Variants in GLI3 observed in about 807,000 individuals in gnomAD.
GLI3 encodes GLI family zinc finger 3, also known as transcription activator GLI3.
A neutral mutation model predicts 100.8 loss-of-function variants in GLI3; 20 were observed. That is an observed-to-expected ratio of 0.20 (90% confidence interval 0.14 to 0.29). GLI3 has a LOEUF of 0.29. GLI3 is among the 10% of genes least tolerant of loss of function. GLI3 has a pLI of 1.00. For synonymous variants in GLI3, 938 were observed against 860.5 expected (o/e 1.09, Z -1.58); for missense variants, 2,040 against 2,128.5 (o/e 0.96, Z 0.82).
At chr7:42,193,196 A>G (rs1051049969) in intron 2 of GLI3, among the ~76,000 whole-genome samples, 3 of 152,242 alleles carry the variant, frequency 2.0e-5, no homozygotes, top group African/African-American at 7.2e-5. Context: ...GAGACTTGAT[A>G]AATCAAATAA....
At chr7:42,121,696 T>C (rs1786004173) in intron 3 of GLI3, among the ~76,000 whole-genome samples, 1 of 152,098 alleles carries the variant, frequency 6.6e-6, no homozygotes, top group Non-Finnish European at 1.5e-5. Flanking sequence ...TCTGCTCTTC[T>C]TAGAAATGCA....
chr7:42,010,070 C>G (rs1209727544), intron 10 of GLI3, among the ~76,000 whole-genome samples: 2 of 152,200 alleles, frequency 1.3e-5, no homozygotes, highest in Non-Finnish European at 2.9e-5. Flanking sequence ...CTTAGATAAT[C>G]CATGAATGCT....
chr7:42,070,471 C>T (rs577453376), intron 4 of GLI3, among the ~76,000 whole-genome samples: 11 of 152,252 alleles, frequency 7.2e-5, no homozygotes, highest in South Asian at 6.2e-4. Flanking sequence ...CATGGAAGTC[C>T]GGAGCAAGGG....
intron 7 of GLI3, among the ~76,000 whole-genome samples, chr7:42,028,965 T>G (rs1482462660): frequency 2.0e-5 from 3 of 152,148 alleles, no homozygotes; most frequent in East Asian, 3.9e-4. Flanking sequence ...ATTCAGGGCC[T>G]CCACCTTTTT....
chr7:42,256,784 AT>A (rs1789089559), intron 1 of GLI3, among the ~76,000 whole-genome samples: 1 of 152,158 alleles, frequency 6.6e-6, no homozygotes, highest in Non-Finnish European at 1.5e-5. Context: ...TTTCATATAA[AT>A]TTTATAATCA....
At chr7:42,136,684 G>A (rs1366745149) in intron 3 of GLI3, among the ~76,000 whole-genome samples, 2 of 152,198 alleles carry the variant, frequency 1.3e-5, no homozygotes, top group African/African-American at 4.8e-5. Flanking sequence ...CTGGAGCACG[G>A]GGAGGGCAGA....
At chr7:42,112,069 C>T (rs77792775) in intron 3 of GLI3, among the ~76,000 whole-genome samples, 3,390 of 152,260 alleles carry the variant, frequency 0.022, 130 homozygotes, top group African/African-American at 0.077. Flanking sequence ...GCTGAAGACT[C>T]CCACAAACAA....
intron 2 of GLI3, among the ~76,000 whole-genome samples, chr7:42,157,445 C>G (rs543401429): frequency 6.6e-6 from 1 of 152,184 alleles, no homozygotes; most frequent in Admixed American, 6.5e-5. Flanking sequence ...ACAGACATGA[C>G]GCTAGCTGCT....
chr7:41,980,477 G>A (rs575480338), intron 10 of GLI3, among the ~76,000 whole-genome samples: 31 of 152,222 alleles, frequency 2.0e-4, no homozygotes, highest in Middle Eastern at 3.4e-3. Context: ...ATTCTCAAAC[G>A]GGAGAAAAAG....
At chr7:42,144,699 C>G (rs1413191207) in intron 3 of GLI3, among the ~76,000 whole-genome samples, 1 of 151,984 alleles carries the variant, frequency 6.6e-6, no homozygotes, top group Non-Finnish European at 1.5e-5. Context: ...AATGGTTTTC[C>G]CTTTTCCGGT....
Position 42,182,661 on chromosome 7 carries a change from TATATATATATATATATATATAC to T in GLI3, c.125-34215_125-34194del, listed in dbSNP as rs1280515749. ...ATGTGTGTGTATATATATATATATATATATATATATATATATATATACACATGTGTGTATATATATATACACA... is the reference window on the plus strand; with the variant it reads ...ATGTGTGTGTATATATATATATATATACATGTGTGTATATATATATACACA... On this transcript the variant is annotated intron_variant, in intron 2 of 14. Coordinates refer to ENST00000395925, the MANE Select transcript of GLI3 (RefSeq NM_000168.6). 4.5e-3 allele frequency among the ~76,000 whole-genome samples: 272 copies of T among 60,914 alleles called. 28 individuals carry two copies. The highest frequency in any genetic ancestry group is 0.025 in the African/African-American group (248 of 9,812). The allele number at this position is 60,914 out of a possible 152,430, so 40.0% of individuals were successfully genotyped here.
intron 2 of GLI3, among the ~76,000 whole-genome samples, chr7:42,158,527 T>C (rs2128792337): frequency 6.6e-6 from 1 of 152,182 alleles, no homozygotes; most frequent in South Asian, 2.1e-4. Context: ...TTCACTCTTG[T>C]TGCCCAGGCT....
chr7:41,962,922 T>C lies in GLI3; in HGVS notation c.*1408A>G, dbSNP rs180680220. On this transcript the variant is annotated 3_prime_UTR_variant, in exon 15 of 15. Transcript: ENST00000395925. ...AATATGCTGGAAAATCCATGTACTCTTTGTGCACACACAGTATGACTTTTA... is the reference window on the plus strand; with the variant it reads ...AATATGCTGGAAAATCCATGTACTCCTTGTGCACACACAGTATGACTTTTA... 2.0e-5 allele frequency: 3 copies of C among 152,346 alleles called. No individual in the cohort carries two copies. The highest frequency in any genetic ancestry group is 4.4e-5 in the Non-Finnish European group (3 of 68,034). 9.4% of individuals were successfully genotyped at this position (152,346 alleles called of 1,614,324 possible). A position where few individuals can be genotyped will look rare whatever the true frequency, so the allele number is the denominator to read the frequency against.
chr7:42,178,671 A>G (rs559571571), intron 2 of GLI3, among the ~76,000 whole-genome samples: 1 of 152,328 alleles, frequency 6.6e-6, no homozygotes, highest in South Asian at 2.1e-4. Flanking sequence ...CTTGGACTCT[A>G]GCAATCAACA....
chr7:42,000,951 A>G (rs944924891), intron 10 of GLI3, among the ~76,000 whole-genome samples: 18 of 152,292 alleles, frequency 1.2e-4, no homozygotes, highest in African/African-American at 4.3e-4. Flanking sequence ...ATTTTAAGAA[A>G]AAAAAAGGAG....
chr7:42,116,358 A>C (rs555311615), intron 3 of GLI3, among the ~76,000 whole-genome samples: 1 of 152,262 alleles, frequency 6.6e-6, no homozygotes, highest in South Asian at 2.1e-4. Flanking sequence ...GAGAAGCAGG[A>C]TGCTCAACCC....
At chr7:42,039,439 G>T (rs376969233) in intron 7 of GLI3, among the ~76,000 whole-genome samples, 2 of 152,178 alleles carry the variant, frequency 1.3e-5, no homozygotes, top group East Asian at 3.8e-4. Context: ...AAAGGTGTAT[G>T]GTCAAAATAG....
intron 2 of GLI3, among the ~76,000 whole-genome samples, chr7:42,197,852 C>T (rs1170471797): frequency 6.6e-6 from 1 of 152,190 alleles, no homozygotes; most frequent in Non-Finnish European, 1.5e-5. Flanking sequence ...TCTCGCTCTA[C>T]ATAACCTTCA....
At chr7:41,977,799 A>T (rs1787549242) in intron 11 of GLI3, 77 bp from the exon 12 acceptor site, 4 of 1,302,214 alleles carry the variant, frequency 3.1e-6, no homozygotes, top group Non-Finnish European at 4.5e-6. Flanking sequence ...CTCCAAGTTG[A>T]TGAAAAACTG....
Sources: allele counts gnomAD v4.1 joint callset (sites outside exome capture counted in the v4.1 genomes callset), GRCh38; gene constraint gnomAD v4.1.1; transcripts MANE v1.5; gene names NCBI Gene and HGNC (gene_info 2026-07-23, HGNC 2026-07-21).